The following TGIF1 variants were observed in gnomAD, a reference collection of about 807,000 sequenced individuals.
TGIF1 encodes TGFB induced factor homeobox 1.
A neutral mutation model predicts 19.3 loss-of-function variants in TGIF1; 4 were observed. The ratio of observed to expected loss-of-function variants is 0.21; its 90% confidence interval spans 0.10 to 0.47. The LOEUF is 0.47. Ranked by LOEUF, TGIF1 falls within the 20% of genes least tolerant of loss-of-function variation. TGIF1 has a pLI of 0.98. For missense variants in TGIF1, 275 were observed against 341.4 expected, an observed-to-expected ratio of 0.81 and a Z score of 1.53; for synonymous variants, 122 against 129.3, an observed-to-expected ratio of 0.94 and a Z score of 0.38.
chr18:3,457,133 GAA>G lies in TGIF1; in HGVS notation c.244-231_244-230del, dbSNP rs1159619890. 6.6e-6 allele frequency: 4 copies of G among 604,948 alleles called. No individual in the cohort carries two copies. Among genetic ancestry groups the G allele is most frequent in the Admixed American group, 2.9e-5 (1 of 33,990 alleles). The allele number at this position is 604,948 out of a possible 1,614,324, so 37.5% of individuals were successfully genotyped here. A position where few individuals can be genotyped will look rare whatever the true frequency, so the allele number is the denominator to read the frequency against. On this transcript the variant is annotated intron_variant, in intron 2 of 2. Transcript: ENST00000343820. The surrounding 1 kb of genome is among the most constrained non-coding windows in gnomAD (Gnocchi z 4.9). ...CTTCGTCCTGAAAAGGTTTAAGTATGAAGAGACAAAAAAGGAAATTTGTATTA... is the reference window on the plus strand; with the variant it reads ...CTTCGTCCTGAAAAGGTTTAAGTATGGAGACAAAAAAGGAAATTTGTATTA...
chr18:3,451,766 G>GT lies in TGIF1; in HGVS notation c.16+1262dup. 1.6e-6 allele frequency: 2 copies of GT among 1,253,818 alleles called. No homozygotes were observed. The highest frequency in any genetic ancestry group is 2.0e-6 in the Non-Finnish European group (2 of 1,000,236). 77.7% of individuals were successfully genotyped at this position (1,253,818 alleles called of 1,614,324 possible). On this transcript the variant is annotated intron_variant, in intron 1 of 2. Coordinates refer to ENST00000343820, the MANE Select transcript of TGIF1 (RefSeq NM_003244.4). The surrounding 1 kb of genome is among the most constrained non-coding windows in gnomAD (Gnocchi z 5.4). The stretch of plus-strand genomic sequence containing the variant: ...AACTTGAAACTCGGATCAACTGGCA[G>GT]TCGTTGTTGGTAGAACGCCCTAAGG...
exon 1 of TGIF1, chr18:3,412,097 G>C (rs1598845741): frequency 6.4e-6 from 1 of 156,030 alleles, no homozygotes; most frequent in South Asian, 1.8e-4. Context: ...TGACGGAAGA[G>C]CCCAGCCTTC....
chr18:3,420,384 A>G (rs2082386119), intron 2 of TGIF1, among the ~76,000 whole-genome samples: 1 of 151,582 alleles, frequency 6.6e-6, no homozygotes, highest in South Asian at 2.1e-4. Flanking sequence ...CTCCCTCTCA[A>G]AAAAAAAATA....
intron 2 of TGIF1, among the ~76,000 whole-genome samples, chr18:3,442,843 A>T (rs2082692148): frequency 6.6e-6 from 1 of 152,248 alleles, no homozygotes; most frequent in Non-Finnish European, 1.5e-5. Context: ...TGTGAACAAT[A>T]AAAACATTTG....
intron 2 of TGIF1, among the ~76,000 whole-genome samples, chr18:3,433,149 C>A (rs930051113): frequency 7.2e-5 from 11 of 151,966 alleles, no homozygotes; most frequent in African/African-American, 2.4e-4. Flanking sequence ...TCTCAGCTCA[C>A]TGCAGCCTCC....
intron 1 of TGIF1, chr18:3,452,001 G>T: frequency 1.9e-6 from 3 of 1,603,678 alleles, no homozygotes; most frequent in Admixed American, 1.7e-5. Flanking sequence ...GCAGAGCCGG[G>T]TGTCTGCCGG....
At chr18:3,452,343 G>C (rs751011709) in intron 1 of TGIF1, 2 of 1,613,318 alleles carry the variant, frequency 1.2e-6, no homozygotes, top group South Asian at 2.2e-5. Flanking sequence ...GGGCGCACAG[G>C]GTCCAGCTCC....
At chr18:3,413,470 A>G (rs116545679) in intron 1 of TGIF1, among the ~76,000 whole-genome samples, 3,501 of 152,264 alleles carry the variant, frequency 0.023, 142 homozygotes, top group African/African-American at 0.08. Flanking sequence ...CAGGAAAATG[A>G]TAGTTTCCTT....
chr18:3,434,721 A>G (rs983598097), intron 2 of TGIF1, among the ~76,000 whole-genome samples: 1 of 152,164 alleles, frequency 6.6e-6, no homozygotes, highest in Non-Finnish European at 1.5e-5. Flanking sequence ...TCAGAAAACG[A>G]AAATAAATAA....
At chr18:3,446,950 G>C (rs1455653014), upstream of TGIF1, among the ~76,000 whole-genome samples, 1 of 152,164 alleles carries the variant, frequency 6.6e-6, no homozygotes, top group African/African-American at 2.4e-5. Flanking sequence ...TTGTTGAGTA[G>C]AAGAAACAAA....
At chr18:3,441,837 CTTTA>C (rs759136124) in intron 2 of TGIF1, among the ~76,000 whole-genome samples, 1 of 152,084 alleles carries the variant, frequency 6.6e-6, no homozygotes, top group Non-Finnish European at 1.5e-5. Context: ...ATTGTTTCTT[CTTTA>C]TTATTTCTCC....
intron 1 of TGIF1, chr18:3,415,441 C>G (rs1438274613): frequency 6.1e-6 from 3 of 495,862 alleles, no homozygotes; most frequent in Non-Finnish European, 1.2e-5. Context: ...GGCAGAGGAT[C>G]CAAAATTAAA....
intron 1 of TGIF1, chr18:3,452,053 C>A: frequency 3.7e-6 from 6 of 1,613,766 alleles, no homozygotes; most frequent in Non-Finnish European, 5.1e-6. Flanking sequence ...GGGGGCGGCT[C>A]TGATTCCTTT....
upstream of TGIF1, chr18:3,447,623 G>A (rs1011302816): frequency 8.8e-6 from 10 of 1,133,518 alleles, no homozygotes; most frequent in Middle Eastern, 5.4e-4. Flanking sequence ...GTTGGCTGGG[G>A]GGAGGCAGTG....
At chr18:3,448,203 A>C, upstream of TGIF1, 1 of 985,288 alleles carries the variant, frequency 1.0e-6, no homozygotes, top group Non-Finnish European at 1.2e-6. Context: ...CCGGTTCCAG[A>C]CGAGGCTCCT....
At chr18:3,448,764 G>A (rs2020436), upstream of TGIF1, among the ~76,000 whole-genome samples, 43,449 of 135,872 alleles carry the variant, frequency 0.32, 7,728 homozygotes, top group African/African-American at 0.49. Context: ...GCTAGCTCTA[G>A]TTCCTGAAAC....
At chr18:3,438,141 T>C (rs1161922960) in intron 2 of TGIF1, among the ~76,000 whole-genome samples, 2 of 152,180 alleles carry the variant, frequency 1.3e-5, no homozygotes, top group Non-Finnish European at 2.9e-5. Context: ...GTTGTTGTTG[T>C]ATTTTTTTTC....
At chr18:3,437,934 A>C (rs1439829429) in intron 2 of TGIF1, among the ~76,000 whole-genome samples, 1 of 152,162 alleles carries the variant, frequency 6.6e-6, no homozygotes, top group Non-Finnish European at 1.5e-5. Context: ...AAATACAAAA[A>C]TTAGCCAGGT....
At chr18:3,444,645 T>C (rs546435508) in intron 2 of TGIF1, among the ~76,000 whole-genome samples, 7 of 152,196 alleles carry the variant, frequency 4.6e-5, no homozygotes, top group Non-Finnish European at 8.8e-5. Context: ...GTTGTTGTTG[T>C]TTTTGAGACG....
Sources: gnomAD v4.1 joint callset for allele counts (sites outside exome capture counted in the v4.1 genomes callset) on GRCh38, gnomAD v4.1.1 for gene constraint, Gnocchi (gnomAD v3.1) non-coding constraint, MANE v1.5 for transcripts, NCBI Gene and HGNC (gene_info 2026-07-23, HGNC 2026-07-21) for gene names.